The following RSRC1 variants were observed in gnomAD, a reference collection of about 807,000 sequenced individuals.
RSRC1 encodes serine/Arginine-related protein 53.
A neutral mutation model predicts 49.1 loss-of-function variants in RSRC1; 39 were observed. That is an observed-to-expected ratio of 0.79 (90% CI 0.61 to 1.04). The LOEUF is 1.04. RSRC1 is among the 50% of genes least tolerant of loss of function. The probability of loss-of-function intolerance (pLI) is 0.00; values close to 1 mark genes in which losing one functional copy is unlikely to be tolerated. For synonymous variants in RSRC1, 143 were observed against 130.8 expected, an observed-to-expected ratio of 1.09 and a Z score of -0.63; for missense variants, 388 against 402.4, an observed-to-expected ratio of 0.96 and a Z score of 0.31.
intron 1 of RSRC1, among the ~76,000 whole-genome samples, chr3:158,115,473 G>T (rs1366435902): frequency 6.6e-6 from 1 of 152,046 alleles, no homozygotes; most frequent in Non-Finnish European, 1.5e-5. Context: ...TTTACACTCT[G>T]AAACATTGTT....
chr3:158,402,532 A>G (rs949184222), intron 6 of RSRC1, among the ~76,000 whole-genome samples: 1 of 151,850 alleles, frequency 6.6e-6, no homozygotes, highest in African/African-American at 2.4e-5. Context: ...TAGATCTACT[A>G]AACCTAAAAA....
intron 6 of RSRC1, among the ~76,000 whole-genome samples, chr3:158,364,984 A>C (rs1731683922): frequency 6.6e-6 from 1 of 152,058 alleles, no homozygotes; most frequent in African/African-American, 2.4e-5. Context: ...CTAGCATATA[A>C]CTGAGCATTC....
intron 6 of RSRC1, among the ~76,000 whole-genome samples, chr3:158,400,428 G>GTT: frequency 6.6e-6 from 1 of 152,034 alleles, no homozygotes; most frequent in East Asian, 1.9e-4. Flanking sequence ...TAAAAAAATA[G>GTT]TTAACTGTAA....
At chr3:158,129,338 A>G (rs1715849743) in intron 3 of RSRC1, among the ~76,000 whole-genome samples, 1 of 125,256 alleles carries the variant, frequency 8.0e-6, no homozygotes, top group Non-Finnish European at 1.6e-5. Flanking sequence ...TGCCGAGACT[A>G]GAGTATAGTG....
intron 5 of RSRC1, among the ~76,000 whole-genome samples, chr3:158,318,498 A>G (rs1412657784): frequency 1.3e-5 from 2 of 152,188 alleles, no homozygotes; most frequent in Non-Finnish European, 2.9e-5. Context: ...CCTTATAGTT[A>G]AGGTGGATGT....
intron 7 of RSRC1, among the ~76,000 whole-genome samples, chr3:158,464,366 G>T (rs1442053335): frequency 2.6e-5 from 4 of 152,012 alleles, no homozygotes; most frequent in Admixed American, 6.6e-5. Flanking sequence ...CCTATTTGTG[G>T]TATAAGTATA....
chr3:158,440,947 G>GA (rs1322905039), intron 6 of RSRC1, among the ~76,000 whole-genome samples: 1 of 151,574 alleles, frequency 6.6e-6, no homozygotes, highest in Non-Finnish European at 1.5e-5. Flanking sequence ...CATCTCATAA[G>GA]AAAAAAAATG....
intron 5 of RSRC1, among the ~76,000 whole-genome samples, chr3:158,327,717 G>T (rs1441568634): frequency 2.0e-5 from 3 of 152,134 alleles, no homozygotes; most frequent in African/African-American, 7.2e-5. Flanking sequence ...TGTTGATTTG[G>T]GGTGGAGAGT....
chr3:158,321,858 C>T (rs1022176822), intron 5 of RSRC1, among the ~76,000 whole-genome samples: 1 of 151,980 alleles, frequency 6.6e-6, no homozygotes, highest in Admixed American at 6.6e-5. Context: ...CTCCTTTGTA[C>T]TATTGCAATC....
At chr3:158,142,879 G>C (rs1716837806) in intron 3 of RSRC1, among the ~76,000 whole-genome samples, 1 of 152,112 alleles carries the variant, frequency 6.6e-6, no homozygotes, top group Non-Finnish European at 1.5e-5. Flanking sequence ...TGTGTCGTAG[G>C]CTTCCCTTAA....
chr3:158,200,160 C>T (rs1264104514), intron 3 of RSRC1, among the ~76,000 whole-genome samples: 2 of 152,096 alleles, frequency 1.3e-5, no homozygotes, highest in African/African-American at 4.8e-5. Context: ...GCCTCAGCCT[C>T]CCAAGTAGCT....
intron 4 of RSRC1, among the ~76,000 whole-genome samples, chr3:158,278,599 C>T (rs1725952337): frequency 6.6e-6 from 1 of 152,198 alleles, no homozygotes; most frequent in Admixed American, 6.5e-5. Flanking sequence ...ACTCATTTGC[C>T]TTATCTCTTC....
intron 4 of RSRC1, among the ~76,000 whole-genome samples, chr3:158,232,367 A>G (rs1413062199): frequency 6.6e-6 from 1 of 152,146 alleles, no homozygotes; most frequent in Non-Finnish European, 1.5e-5. Flanking sequence ...ATTTTTGACA[A>G]TTCTTTTTTC....
intron 3 of RSRC1, among the ~76,000 whole-genome samples, chr3:158,197,650 C>T (rs1318645094): frequency 1.3e-5 from 2 of 152,102 alleles, no homozygotes; most frequent in Non-Finnish European, 2.9e-5. Flanking sequence ...TTTCCCTCTA[C>T]ACACTGCTTT....
intron 7 of RSRC1, among the ~76,000 whole-genome samples, chr3:158,515,572 G>T (rs1188923874): frequency 7.5e-6 from 1 of 133,712 alleles, no homozygotes; most frequent in East Asian, 2.0e-4. Context: ...TGACAATTAT[G>T]TGTCTTGGAG....
At chr3:158,132,714 A>C (rs977454175) in intron 3 of RSRC1, among the ~76,000 whole-genome samples, 1 of 152,176 alleles carries the variant, frequency 6.6e-6, no homozygotes. Flanking sequence ...TTGTTTTTGT[A>C]GTTTTTCCTT....
intron 3 of RSRC1, among the ~76,000 whole-genome samples, chr3:158,157,830 G>A (rs761347757): frequency 1.4e-4 from 22 of 152,146 alleles, no homozygotes; most frequent in Middle Eastern, 3.4e-3. Context: ...CAGGAGAATA[G>A]CTTGAACCCC....
In RSRC1 at chr3:158,118,341, C is replaced by T. The variant is rs1004419981; in HGVS notation, c.-2-3762C>T. On this transcript the variant is annotated intron_variant, in intron 1 of 9. Transcript: ENST00000611884. Reference sequence around the variant, plus strand: ...TCATATCTTTTGGACTCAAGGGATCCTCCCACCTCAGCTTCCTGAATAGCT... The same window carrying T: ...TCATATCTTTTGGACTCAAGGGATCTTCCCACCTCAGCTTCCTGAATAGCT... 2.0e-5 allele frequency among the ~76,000 whole-genome samples: 3 copies of T among 151,848 alleles called. No individual in the cohort carries two copies. The East Asian group carries it at 5.8e-4, about 30-fold the overall frequency.
intron 7 of RSRC1, among the ~76,000 whole-genome samples, chr3:158,532,009 G>A (rs1664968155): frequency 6.6e-6 from 1 of 151,572 alleles, no homozygotes; most frequent in African/African-American, 2.4e-5. Flanking sequence ...TATCTGTCTT[G>A]TAACATAAGA....
Sources: gnomAD v4.1 joint callset for allele counts (sites outside exome capture counted in the v4.1 genomes callset) on GRCh38, gnomAD v4.1.1 for gene constraint, MANE v1.5 for transcripts, NCBI Gene and HGNC (gene_info 2026-07-23, HGNC 2026-07-21) for gene names.